RBM46: variants seen among roughly 807,000 people sequenced by gnomAD.
The protein encoded by RBM46 is RNA binding motif protein 46.
A neutral mutation model predicts 43.3 loss-of-function variants in RBM46; 12 were observed. That is an observed-to-expected ratio of 0.28 (90% CI 0.18 to 0.45). The LOEUF is 0.45. Ranked by LOEUF, RBM46 falls within the 20% of genes least tolerant of loss-of-function variation. The probability of loss-of-function intolerance (pLI) is 1.00; values close to 1 mark genes in which losing one functional copy is unlikely to be tolerated. For synonymous variants in RBM46, 205 were observed against 207.6 expected, an observed-to-expected ratio of 0.99 and a Z score of 0.11; for missense variants, 412 against 639.1, an observed-to-expected ratio of 0.64 and a Z score of 3.83.
chr4:154,787,618 A>G (rs751780687), intron 1 of RBM46, among the ~76,000 whole-genome samples: 1 of 152,098 alleles, frequency 6.6e-6, no homozygotes. Flanking sequence ...AGTCTTTGCT[A>G]TTGTGAATAG....
At chr4:154,814,968 CAT>C (rs1735358184) in intron 4 of RBM46, among the ~76,000 whole-genome samples, 1 of 151,844 alleles carries the variant, frequency 6.6e-6, no homozygotes, top group Admixed American at 6.6e-5. Flanking sequence ...GAGGTAAAGA[CAT>C]AAAATACCAA....
intron 4 of RBM46, among the ~76,000 whole-genome samples, chr4:154,824,825 A>G (rs1332406153): frequency 6.6e-6 from 1 of 152,144 alleles, no homozygotes; most frequent in Non-Finnish European, 1.5e-5. Flanking sequence ...AAGTCTAAGA[A>G]CAGGCAAAAC....
chr4:154,827,105 C>G (rs1736003455), intron 4 of RBM46: 2 of 1,062,974 alleles, frequency 1.9e-6, no homozygotes, highest in African/African-American at 3.3e-5. Context: ...ATAAATGTTG[C>G]AGTTAATGAA....
intron 3 of RBM46, 96 bp downstream of exon 3, chr4:154,798,374 C>A: frequency 2.7e-6 from 2 of 739,422 alleles, no homozygotes; most frequent in South Asian, 2.4e-5. Context: ...ACTAATGTCA[C>A]TTAAAGAAGA....
chr4:154,824,542 A>G (rs1029164537), intron 4 of RBM46, among the ~76,000 whole-genome samples: 1 of 152,108 alleles, frequency 6.6e-6, no homozygotes, highest in Non-Finnish European at 1.5e-5. Context: ...GAAAGATACA[A>G]TGTGAACGAA....
chr4:154,822,873 C>T (rs1202948752), intron 4 of RBM46, among the ~76,000 whole-genome samples: 1 of 151,638 alleles, frequency 6.6e-6, no homozygotes, highest in Non-Finnish European at 1.5e-5. Context: ...AGCAATTTCT[C>T]AAAAAGTTTT....
intron 1 of RBM46, among the ~76,000 whole-genome samples, chr4:154,782,660 A>G (rs1467027470): frequency 1.3e-5 from 2 of 151,956 alleles, no homozygotes; most frequent in Non-Finnish European, 2.9e-5. Context: ...TGATTTTTGT[A>G]TTAGTAGAGA....
chr4:154,794,177 C>CTTTTT (rs58437982), intron 1 of RBM46, among the ~76,000 whole-genome samples: 7 of 115,734 alleles, frequency 6.0e-5, no homozygotes, highest in African/African-American at 2.3e-4. Flanking sequence ...GTAGTAATCA[C>CTTTTT]TTTTTTTTTT....
chr4:154,819,627 A>G (rs1434215629), intron 4 of RBM46, among the ~76,000 whole-genome samples: 1 of 152,184 alleles, frequency 6.6e-6, no homozygotes, highest in Non-Finnish European at 1.5e-5. Flanking sequence ...AACAGAAGAT[A>G]TTGTGATTAT....
intron 1 of RBM46, among the ~76,000 whole-genome samples, chr4:154,792,044 AATCAC>A (rs1734120340): frequency 6.6e-6 from 1 of 152,190 alleles, no homozygotes; most frequent in South Asian, 2.1e-4. Flanking sequence ...ACCTCAAGTA[AATCAC>A]ATAGCTTTTC....
intron 4 of RBM46, among the ~76,000 whole-genome samples, chr4:154,803,466 T>C (rs1020848599): frequency 2.6e-5 from 4 of 152,040 alleles, no homozygotes; most frequent in East Asian, 1.9e-4. Flanking sequence ...TTTGGGAGGC[T>C]AAGGCGGGCG....
chr4:154,817,769 T>C (rs1735525537), intron 4 of RBM46, among the ~76,000 whole-genome samples: 1 of 152,216 alleles, frequency 6.6e-6, no homozygotes, highest in Non-Finnish European at 1.5e-5. Flanking sequence ...AGGCTTGGGA[T>C]TAAGTCTCTC....
chr4:154,812,447 T>A (rs1735225677), intron 4 of RBM46, among the ~76,000 whole-genome samples: 1 of 152,156 alleles, frequency 6.6e-6, no homozygotes, highest in Admixed American at 6.5e-5. Flanking sequence ...AGGATCAGCA[T>A]TGCCAGCCAA....
At chr4:154,804,643 G>A (rs894637811) in intron 4 of RBM46, among the ~76,000 whole-genome samples, 1 of 151,968 alleles carries the variant, frequency 6.6e-6, no homozygotes, top group African/African-American at 2.4e-5. Flanking sequence ...TTTTAAGCAG[G>A]GCATCTCTTC....
intron 4 of RBM46, among the ~76,000 whole-genome samples, chr4:154,824,595 G>T (rs1428959880): frequency 1.3e-5 from 2 of 151,934 alleles, no homozygotes; most frequent in African/African-American, 4.8e-5. Flanking sequence ...TATCTTTCTG[G>T]AACAATTATA....
intron 1 of RBM46, chr4:154,790,179 G>C (rs1313930913): frequency 6.6e-6 from 1 of 152,074 alleles, no homozygotes; most frequent in Non-Finnish European, 1.5e-5. Context: ...CTTCAGTTCT[G>C]CTCTGATCTT....
chr4:154,823,455 T>G (rs1461684293), intron 4 of RBM46, among the ~76,000 whole-genome samples: 1 of 151,834 alleles, frequency 6.6e-6, no homozygotes, highest in Admixed American at 6.6e-5. Flanking sequence ...AGGAATATAT[T>G]TTTTAAATGA....
rs1273810335 is a variant in RBM46 at position 154,827,829 on chromosome 4, A to T, written c.1403-39A>T. On this transcript the variant is annotated intron_variant, in intron 4 of 4. Coordinates refer to ENST00000281722, the MANE Select transcript of RBM46 (RefSeq NM_144979.5). ...CTCTTTAAATTAAATTTGTGTCCAT[A>T]AAGATGTACAGCATAATTGTTCATG... 3 of 1,607,648 alleles carry T rather than the reference A, an allele frequency of 1.9e-6. No homozygotes were observed. In the Admixed American group the frequency reaches 5.0e-5, roughly 27 times the overall value.
chr4:154,785,090 T>G (rs1226324308), intron 1 of RBM46, among the ~76,000 whole-genome samples: 2 of 149,848 alleles, frequency 1.3e-5, no homozygotes, highest in Admixed American at 6.6e-5. Context: ...GAGATAAGGG[T>G]TTTTTTTTCT....
Sources: allele counts gnomAD v4.1 joint callset (sites outside exome capture counted in the v4.1 genomes callset), GRCh38; gene constraint gnomAD v4.1.1; transcripts MANE v1.5; gene names NCBI Gene and HGNC (gene_info 2026-07-23, HGNC 2026-07-21).